STK3: variants seen among roughly 807,000 people sequenced by gnomAD.
The protein encoded by STK3 is serine/threonine-protein kinase 3.
A neutral mutation model predicts 58.0 loss-of-function variants in STK3; 41 were observed. The ratio of observed to expected loss-of-function variants is 0.71; its 90% CI spans 0.55 to 0.92. The LOEUF is 0.92. STK3 is among the 40% of genes least tolerant of loss of function. STK3 has a pLI of 0.00. For missense variants in STK3, 479 were observed against 602.7 expected, an observed-to-expected ratio of 0.79 and a Z score of 2.15; for synonymous variants, 170 against 191.0, an observed-to-expected ratio of 0.89 and a Z score of 0.91.
intron 1 of STK3, among the ~76,000 whole-genome samples, chr8:98,913,334 A>G (rs1408367899): frequency 1.3e-5 from 2 of 152,214 alleles, no homozygotes; most frequent in African/African-American, 2.4e-5. Flanking sequence ...TTCTCTAAAC[A>G]CTACTTAGCC....
intron 1 of STK3, among the ~76,000 whole-genome samples, chr8:98,380,482 T>G (rs2131000107): frequency 6.6e-6 from 1 of 152,366 alleles, no homozygotes; most frequent in East Asian, 1.9e-4. Flanking sequence ...AATTCTTTGC[T>G]GAAACTAACA....
chr8:98,825,607 C>T lies in STK3; in HGVS notation c.-67G>A. The T allele has an allele frequency of 7.3e-7, 1 of 1,367,478 alleles. No homozygotes were observed. The highest frequency in any genetic ancestry group is 9.5e-7 in the Non-Finnish European group (1 of 1,053,464). 84.7% of individuals were successfully genotyped at this position (1,367,478 alleles called of 1,614,324 possible). A position where few individuals can be genotyped will look rare whatever the true frequency, so the allele number is the denominator to read the frequency against. ...GCCGAAAGGAGGAAAGGAGCCGGGG[C>T]ACCGGCCGGCCGAGCCTAGGGCACC... On this transcript the variant is annotated 5_prime_UTR_variant, in exon 1 of 11. Transcript: ENST00000419617.
intron 3 of STK3, among the ~76,000 whole-genome samples, chr8:98,419,520 C>T (rs1818148476): frequency 6.6e-6 from 1 of 152,144 alleles, no homozygotes; most frequent in African/African-American, 2.4e-5. Context: ...AAAACAAAGT[C>T]CTATTGAAGA....
At chr8:98,935,791 C>T (rs1387379026) in intron 1 of STK3, among the ~76,000 whole-genome samples, 1 of 152,144 alleles carries the variant, frequency 6.6e-6, no homozygotes, top group East Asian at 1.9e-4. Context: ...GTTTTCTCTC[C>T]AACTTCTTAC....
chr8:98,623,540 T>G (rs1480292212), intron 6 of STK3, among the ~76,000 whole-genome samples: 2 of 152,056 alleles, frequency 1.3e-5, no homozygotes, highest in Non-Finnish European at 2.9e-5. Context: ...TCCCAGCACT[T>G]TGGGAGGCCA....
intron 6 of STK3, among the ~76,000 whole-genome samples, chr8:98,610,407 T>C (rs1408863429): frequency 6.6e-6 from 1 of 152,240 alleles, no homozygotes; most frequent in Non-Finnish European, 1.5e-5. Context: ...TTATATGCAA[T>C]ACTGCCTAGC....
intron 9 of STK3, among the ~76,000 whole-genome samples, chr8:98,545,527 G>A (rs1209236654): frequency 6.6e-6 from 1 of 152,048 alleles, no homozygotes; most frequent in African/African-American, 2.4e-5. Context: ...CCCTTCAAAG[G>A]GTCTGTGGGT....
At chr8:98,700,777 TCTC>T (rs1322234195) in intron 6 of STK3, among the ~76,000 whole-genome samples, 1 of 152,202 alleles carries the variant, frequency 6.6e-6, no homozygotes, top group African/African-American at 2.4e-5. Context: ...ATCAGGTACT[TCTC>T]CTGCTGTCCA....
chr8:98,893,481 A>AGG (rs1838308416), intron 1 of STK3, among the ~76,000 whole-genome samples: 1 of 70,342 alleles, frequency 1.4e-5, no homozygotes, highest in Non-Finnish European at 2.8e-5. Context: ...AAAGAAAGAA[A>AGG]GAAAGAGAAA....
At chr8:98,685,050 G>A (rs1823892613) in intron 6 of STK3, among the ~76,000 whole-genome samples, 1 of 152,120 alleles carries the variant, frequency 6.6e-6, no homozygotes, top group Admixed American at 6.5e-5. Flanking sequence ...TTAAAAGTCT[G>A]AAATGTAAAT....
In STK3 at chr8:98,493,431, C is replaced by G. The variant is rs561209144; in HGVS notation, c.1317+33311G>C. Among the ~76,000 whole-genome samples, 6 of 152,272 alleles carry G rather than the reference C, an allele frequency of 3.9e-5. No individual in the cohort carries two copies. In the South Asian group the frequency reaches 1.2e-3, roughly 32 times the overall value. ...AGTCTGGCTTTAGGCGTCACCATCT[C>G]ATGGAGGCTGCTTCACTTAAAAGCA... is the stretch of plus-strand genomic sequence containing the variant. On this transcript the variant is annotated intron_variant, in intron 10 of 10. Transcript: ENST00000419617.
At chr8:98,612,192 G>A (rs1398280893) in intron 6 of STK3, among the ~76,000 whole-genome samples, 6 of 150,648 alleles carry the variant, frequency 4.0e-5, no homozygotes, top group African/African-American at 1.5e-4. Flanking sequence ...GGAAGATAGA[G>A]TAGATGTACA....
rs913508602 is a variant in STK3 at position 98,706,618 on chromosome 8, C to T, written c.533G>A (p.Arg178His). 5 of 1,599,944 alleles carry T rather than the reference C, an allele frequency of 3.1e-6. No individual in the cohort carries two copies. Among genetic ancestry groups the T allele is most frequent in the African/African-American group, 1.3e-5 (1 of 74,166 alleles). Residue 178 changes from arginine to histidine, a missense_variant, in exon 6 of 11, where the codon CGC becomes CAC. Arg to His is a conservative substitution (Grantham distance 29). Transcript: ENST00000419617. ...AGQLTDTMAKRNTVIGTPFWM... is the reference protein window; with the variant it reads ...AGQLTDTMAKHNTVIGTPFWM... ...AAATGGAGTTCCTATTACAGTATTG[C>T]GTTTTGCCATTGTATCCTGCAATAA...
Position 98,655,017 on chromosome 8 carries a change from G to A in STK3, c.684+51450C>T, listed in dbSNP as rs574333731. Among the ~76,000 whole-genome samples the A allele has an allele frequency of 1.0e-3, 157 of 151,766 alleles. 1 individual carries two copies. In the South Asian group the frequency reaches 0.023, roughly 22 times the overall value. On this transcript the variant is annotated intron_variant, in intron 6 of 10. Coordinates refer to ENST00000419617, the MANE Select transcript of STK3 (RefSeq NM_006281.4). ...TTCATATGGAAAAAAAAAAGAGCCC[G>A]CATTGCCAAGTCAATCCTAAGCCAA...
At chr8:98,567,755 A>G (rs528541450) in intron 8 of STK3, among the ~76,000 whole-genome samples, 40 of 152,112 alleles carry the variant, frequency 2.6e-4, no homozygotes, top group Non-Finnish European at 5.0e-4. Flanking sequence ...TACAAACTCA[A>G]TATCAAAAAT....
intron 6 of STK3, among the ~76,000 whole-genome samples, chr8:98,628,682 T>C (rs1818925537): frequency 6.6e-6 from 1 of 151,848 alleles, no homozygotes; most frequent in Non-Finnish European, 1.5e-5. Flanking sequence ...TGTGCCTATG[T>C]TCCCAGCTAC....
At chr8:98,346,106 T>A in the STK3 span, among the ~76,000 whole-genome samples, 9 of 151,870 alleles carry the variant, frequency 5.9e-5, no homozygotes, top group Non-Finnish European at 1.2e-4. Context: ...GCCAACATGG[T>A]GAAACCCCAT....
chr8:98,550,157 T>G lies in STK3; in HGVS notation c.949-1996A>C, dbSNP rs144444023. Among the ~76,000 whole-genome samples the G allele has an allele frequency of 9.2e-3, 1,403 of 151,960 alleles. 17 individuals carry two copies. The highest frequency in any genetic ancestry group is 0.032 in the African/African-American group (1,327 of 41,254). On this transcript the variant is annotated intron_variant, in intron 8 of 10. Coordinates refer to ENST00000419617, the MANE Select transcript of STK3 (RefSeq NM_006281.4). ...AATGCAAATCTGAGAACATCAATGTTGAGTTTCAGCAACTTGGGTTGTATA... is the reference window on the plus strand; with the variant it reads ...AATGCAAATCTGAGAACATCAATGTGGAGTTTCAGCAACTTGGGTTGTATA...
At chr8:98,750,210 G>A (rs577189087) in intron 3 of STK3, among the ~76,000 whole-genome samples, 1 of 152,200 alleles carries the variant, frequency 6.6e-6, no homozygotes, top group South Asian at 2.1e-4. Context: ...GGAAGGGAGT[G>A]GGATTTGAAT....
Sources: gnomAD v4.1 joint callset for allele counts (sites outside exome capture counted in the v4.1 genomes callset) on GRCh38, gnomAD v4.1.1 for gene constraint, MANE v1.5 for transcripts, NCBI Gene and HGNC (gene_info 2026-07-23, HGNC 2026-07-21) for gene names.